Variants in ARHGEF3 observed in about 807,000 individuals in gnomAD.
The protein encoded by ARHGEF3 is Rho guanine nucleotide exchange factor 3, also known as 59.8 kDA protein.
Under a neutral mutation model 63.2 loss-of-function variants are expected in ARHGEF3, and 28 were observed. The ratio of observed to expected loss-of-function variants is 0.44; its 90% CI spans 0.33 to 0.61. The LOEUF is 0.61. Ranked by LOEUF, ARHGEF3 falls within the 20% of genes least tolerant of loss-of-function variation. The pLI, the probability that ARHGEF3 is intolerant of heterozygous loss-of-function variation, is 0.03. For missense variants in ARHGEF3, 533 were observed against 659.3 expected, an observed-to-expected ratio of 0.81 and a Z score of 2.10; for synonymous variants, 266 against 254.2, an observed-to-expected ratio of 1.05 and a Z score of -0.44.
chr3:56,758,213 G>A (rs1042245090), intron 2 of ARHGEF3, among the ~76,000 whole-genome samples: 2 of 151,454 alleles, frequency 1.3e-5, no homozygotes, highest in Non-Finnish European at 2.9e-5. Flanking sequence ...CCCGTGAAGT[G>A]GAGATTGTAG....
At chr3:56,885,395 T>C (rs976861747) in intron 3 of ARHGEF3, among the ~76,000 whole-genome samples, 1 of 152,180 alleles carries the variant, frequency 6.6e-6, no homozygotes, top group African/African-American at 2.4e-5. Flanking sequence ...TGGCAGCTCC[T>C]GTTATGAATT....
At chr3:56,959,848 G>A (rs1700203492) in intron 2 of ARHGEF3, among the ~76,000 whole-genome samples, 1 of 152,136 alleles carries the variant, frequency 6.6e-6, no homozygotes. Context: ...CATGCTGGTG[G>A]GCACCTGTGA....
chr3:56,830,402 T>A (rs1175636123), intron 4 of ARHGEF3, among the ~76,000 whole-genome samples: 1 of 152,180 alleles, frequency 6.6e-6, no homozygotes, highest in Non-Finnish European at 1.5e-5. Context: ...ACTACTTCTC[T>A]TCACCTTGCC....
At chr3:56,740,434 T>C (rs937815609) in intron 7 of ARHGEF3, among the ~76,000 whole-genome samples, 1 of 152,256 alleles carries the variant, frequency 6.6e-6, no homozygotes, top group Non-Finnish European at 1.5e-5. Context: ...TATACTTTCT[T>C]AGTTTCTTTT....
intron 4 of ARHGEF3, among the ~76,000 whole-genome samples, chr3:56,866,998 A>G (rs1207486936): frequency 6.6e-6 from 1 of 152,190 alleles, no homozygotes; most frequent in Non-Finnish European, 1.5e-5. Flanking sequence ...AGCCTGACTT[A>G]TTTATTAGCT....
intron 1 of ARHGEF3, among the ~76,000 whole-genome samples, chr3:57,042,681 TATATA>T (rs1704255184): frequency 1.4e-4 from 5 of 35,774 alleles, no homozygotes; most frequent in East Asian, 1.6e-3. Context: ...TATATATATA[TATATA>T]TATATATATA....
At chr3:56,953,577 C>T (rs1465788811) in intron 3 of ARHGEF3, among the ~76,000 whole-genome samples, 1 of 152,156 alleles carries the variant, frequency 6.6e-6, no homozygotes, top group Non-Finnish European at 1.5e-5. Context: ...GAGCCCTGTC[C>T]ACCTGGCTCC....
At chr3:56,773,472 C>A (rs896910274) in intron 2 of ARHGEF3, among the ~76,000 whole-genome samples, 2 of 152,130 alleles carry the variant, frequency 1.3e-5, no homozygotes, top group African/African-American at 2.4e-5. Flanking sequence ...GGGCACATAA[C>A]TCTGAAATAC....
intron 4 of ARHGEF3, among the ~76,000 whole-genome samples, chr3:56,825,255 G>A (rs1192480509): frequency 6.6e-6 from 1 of 152,240 alleles, no homozygotes; most frequent in Non-Finnish European, 1.5e-5. Context: ...CAACAAAGTA[G>A]CCATGCCACT....
chr3:56,991,257 G>C (rs1448147989), intron 2 of ARHGEF3, among the ~76,000 whole-genome samples: 1 of 152,054 alleles, frequency 6.6e-6, no homozygotes, highest in African/African-American at 2.4e-5. Context: ...ACATGCCTGA[G>C]GATCCAACCT....
chr3:56,770,495 C>G (rs141466412), intron 2 of ARHGEF3, among the ~76,000 whole-genome samples: 3 of 152,178 alleles, frequency 2.0e-5, no homozygotes, highest in Non-Finnish European at 4.4e-5. Flanking sequence ...TTCTCTCAGT[C>G]TAGCTGGTGA....
chr3:57,067,506 G>T (rs1398513821), intron 1 of ARHGEF3, among the ~76,000 whole-genome samples: 1 of 136,368 alleles, frequency 7.3e-6, no homozygotes, highest in Non-Finnish European at 1.6e-5. Context: ...TCTATATACT[G>T]ATCAAAGCTA....
intron 3 of ARHGEF3, among the ~76,000 whole-genome samples, chr3:56,906,600 C>T (rs1429004591): frequency 6.6e-6 from 1 of 152,164 alleles, no homozygotes; most frequent in Non-Finnish European, 1.5e-5. Flanking sequence ...CTTCGGGAGG[C>T]CGAGGCAAGT....
At chr3:57,062,702 GCACA>G (rs148193521) in intron 1 of ARHGEF3, among the ~76,000 whole-genome samples, 23 of 150,192 alleles carry the variant, frequency 1.5e-4, no homozygotes, top group African/African-American at 5.1e-4. Flanking sequence ...CTACACACAT[GCACA>G]CACACACACA....
intron 4 of ARHGEF3, among the ~76,000 whole-genome samples, chr3:56,845,106 A>G (rs2039441678): frequency 6.6e-6 from 1 of 151,556 alleles, no homozygotes; most frequent in African/African-American, 2.4e-5. Context: ...AAGAAACTGA[A>G]GCCCTCAGTC....
At chr3:56,797,011 T>C (rs1037695330) in intron 1 of ARHGEF3, among the ~76,000 whole-genome samples, 2 of 152,088 alleles carry the variant, frequency 1.3e-5, no homozygotes, top group African/African-American at 4.8e-5. Context: ...AATGTAAAGG[T>C]CTTAATAATA....
chr3:56,817,217 G>A (rs2038304786), intron 4 of ARHGEF3, among the ~76,000 whole-genome samples: 1 of 152,178 alleles, frequency 6.6e-6, no homozygotes, highest in Non-Finnish European at 1.5e-5. Flanking sequence ...TACTTCAAAG[G>A]GTGGAGGTGA....
intron 4 of ARHGEF3, among the ~76,000 whole-genome samples, chr3:56,864,385 C>A (rs1336513044): frequency 1.3e-5 from 2 of 152,216 alleles, no homozygotes; most frequent in Admixed American, 1.3e-4. Context: ...TCCTCTTTAA[C>A]CTGGTTAACA....
At chr3:57,034,431 C>T (rs1164742453) in intron 2 of ARHGEF3, among the ~76,000 whole-genome samples, 2 of 152,058 alleles carry the variant, frequency 1.3e-5, no homozygotes, top group African/African-American at 4.8e-5. Context: ...ACAACACATC[C>T]AAGCATGGGG....
Sources: allele counts gnomAD v4.1 joint callset (sites outside exome capture counted in the v4.1 genomes callset), GRCh38; gene constraint gnomAD v4.1.1; transcripts MANE v1.5; gene names NCBI Gene and HGNC (gene_info 2026-07-23, HGNC 2026-07-21).